The following NRG1 variants were observed in gnomAD, a reference collection of about 807,000 sequenced individuals.
NRG1 encodes the protein neuregulin 1.
NRG1 carries 18 observed loss-of-function variants against 63.8 expected under a neutral mutation model. The ratio of observed to expected loss-of-function variants is 0.28; its 90% CI spans 0.19 to 0.42. The LOEUF (loss-of-function observed/expected upper bound fraction) is 0.42. Ranked by LOEUF, NRG1 falls within the 10% of genes least tolerant of loss-of-function variation. The probability of loss-of-function intolerance (pLI) is 1.00; values close to 1 mark genes in which losing one functional copy is unlikely to be tolerated. For missense variants in NRG1, 762 were observed against 814.7 expected (o/e 0.94, Z 0.79); for synonymous variants, 302 against 301.3 (o/e 1.00, Z -0.02).
intron 1 of NRG1, among the ~76,000 whole-genome samples, chr8:32,515,401 T>G (rs534345483): frequency 6.6e-5 from 10 of 152,250 alleles, no homozygotes; most frequent in African/African-American, 2.4e-4. Flanking sequence ...TGCTTGTATG[T>G]CTTCTTTTGA....
intron 1 of NRG1, among the ~76,000 whole-genome samples, chr8:32,041,088 T>G (rs531457787): frequency 6.6e-6 from 1 of 152,224 alleles, no homozygotes; most frequent in South Asian, 2.1e-4. Flanking sequence ...ATCATTTTAC[T>G]TATGGATAAC....
chr8:31,984,871 C>G (rs906019433), intron 1 of NRG1, among the ~76,000 whole-genome samples: 1 of 152,060 alleles, frequency 6.6e-6, no homozygotes, highest in Non-Finnish European at 1.5e-5. Context: ...ATCTTTGCAG[C>G]TCTTATTGAC....
rs138927893 is a variant in NRG1 at position 31,697,757 on chromosome 8, T to A, written c.37+58326T>A. Among the ~76,000 whole-genome samples, 625 of 152,320 alleles carry A rather than the reference T, an allele frequency of 4.1e-3. 2 individuals are homozygous for A. Among genetic ancestry groups the A allele is most frequent in the South Asian group, 0.026 (127 of 4,826 alleles). On this transcript the variant is annotated intron_variant, in intron 1 of 10. Coordinates refer to the NRG1 transcript ENST00000519301. The stretch of plus-strand genomic sequence containing the variant: ...TCAGAAGGTGAGTATTCACTAACAG[T>A]ACCTAACTCTGTCCCTTCTGTAATT...
intron 1 of NRG1, among the ~76,000 whole-genome samples, chr8:32,524,183 A>G (rs1228115740): frequency 6.6e-6 from 1 of 152,104 alleles, no homozygotes; most frequent in Admixed American, 6.6e-5. Flanking sequence ...GATACTTGAG[A>G]GGCTGAGGTG....
At chr8:32,176,619 A>G (rs373962024) in intron 1 of NRG1, among the ~76,000 whole-genome samples, 2 of 152,252 alleles carry the variant, frequency 1.3e-5, no homozygotes, top group Non-Finnish European at 2.9e-5. Flanking sequence ...GTGAACTCAA[A>G]CAAATTTACA....
chr8:31,904,606 G>A (rs1832369959), intron 1 of NRG1, among the ~76,000 whole-genome samples: 1 of 152,124 alleles, frequency 6.6e-6, no homozygotes, highest in Admixed American at 6.6e-5. Flanking sequence ...GTTCACAATA[G>A]CAAAGACATG....
rs7830563 is a variant in NRG1 at position 32,526,430 on chromosome 8, A to G, written c.38-69398A>G. Reference sequence around the variant, plus strand: ...TTTGTGTGACATAATCACAGAAATGACATCTCATCATGTTTGCCACATTCT... The same window carrying G: ...TTTGTGTGACATAATCACAGAAATGGCATCTCATCATGTTTGCCACATTCT... On this transcript the variant is annotated intron_variant, in intron 1 of 10. Coordinates refer to the NRG1 transcript ENST00000519301. Among the ~76,000 whole-genome samples, 3 of 152,110 alleles carry G rather than the reference A, an allele frequency of 2.0e-5. No homozygotes were observed. In the South Asian group the frequency reaches 6.2e-4, roughly 32 times the overall value.
intron 1 of NRG1, among the ~76,000 whole-genome samples, chr8:32,153,203 G>C (rs1017641055): frequency 3.9e-5 from 6 of 152,132 alleles, no homozygotes; most frequent in Non-Finnish European, 8.8e-5. Flanking sequence ...GGTGGGAGTA[G>C]GATACAGTAC....
chr8:31,907,249 C>G (rs1391311355), intron 1 of NRG1, among the ~76,000 whole-genome samples: 1 of 151,886 alleles, frequency 6.6e-6, no homozygotes, highest in Non-Finnish European at 1.5e-5. Flanking sequence ...AGGATCCAGC[C>G]TTATTTTTCC....
downstream of NRG1, among the ~76,000 whole-genome samples, chr8:32,768,358 A>T (rs1309854406): frequency 6.6e-6 from 1 of 152,220 alleles, no homozygotes; most frequent in Non-Finnish European, 1.5e-5. Context: ...AAGGTAACGA[A>T]AAATGCTCTC....
At chr8:32,242,480 A>AAAAAAG (rs1014842860) in intron 1 of NRG1, among the ~76,000 whole-genome samples, 1 of 152,228 alleles carries the variant, frequency 6.6e-6, no homozygotes, top group Non-Finnish European at 1.5e-5. Context: ...TCTCAAAAAG[A>AAAAAAG]AAAAAGAAAA....
chr8:32,352,412 C>G (rs1805723639), intron 1 of NRG1, among the ~76,000 whole-genome samples: 1 of 151,456 alleles, frequency 6.6e-6, no homozygotes, highest in Non-Finnish European at 1.5e-5. Context: ...TGTCTTCCAG[C>G]TTCAATCTCT....
chr8:31,982,845 A>G (rs1185312370), intron 1 of NRG1, among the ~76,000 whole-genome samples: 1 of 152,104 alleles, frequency 6.6e-6, no homozygotes, highest in Non-Finnish European at 1.5e-5. Flanking sequence ...GCACCTAGTA[A>G]GTAACTGTTA....
chr8:32,189,941 G>GATT (rs1842327000), intron 1 of NRG1, among the ~76,000 whole-genome samples: 1 of 152,090 alleles, frequency 6.6e-6, no homozygotes, highest in African/African-American at 2.4e-5. Flanking sequence ...TTAAATGAAT[G>GATT]ATACATTCTG....
chr8:31,652,868 TTCTC>T (rs1338748326), intron 1 of NRG1, among the ~76,000 whole-genome samples: 1 of 151,752 alleles, frequency 6.6e-6, no homozygotes, highest in Non-Finnish European at 1.5e-5. Context: ...TCTTTTCTCT[TTCTC>T]TCTCTCTGTG....
chr8:32,387,776 A>G (rs1217693835), intron 1 of NRG1, among the ~76,000 whole-genome samples: 1 of 152,194 alleles, frequency 6.6e-6, no homozygotes, highest in African/African-American at 2.4e-5. Context: ...CCCAGCAAAA[A>G]AAAATCCCGG....
At chr8:31,766,057 G>A (rs1185385257) in intron 1 of NRG1, among the ~76,000 whole-genome samples, 1 of 151,794 alleles carries the variant, frequency 6.6e-6, no homozygotes, top group Non-Finnish European at 1.5e-5. Flanking sequence ...TATTTCCCTA[G>A]AGAACACACC....
chr8:32,354,372 AAAC>A (rs1276786482), intron 1 of NRG1, among the ~76,000 whole-genome samples: 2 of 96,358 alleles, frequency 2.1e-5, no homozygotes, highest in African/African-American at 7.2e-5. Flanking sequence ...CCATCTCAAA[AAAC>A]AACAACAACA....
intron 1 of NRG1, among the ~76,000 whole-genome samples, chr8:32,119,838 C>G (rs190160346): frequency 2.0e-5 from 3 of 152,012 alleles, no homozygotes; most frequent in Admixed American, 6.6e-5. Flanking sequence ...AATGTGACCA[C>G]AAAAATAAAC....
Sources: gnomAD v4.1 joint callset for allele counts (sites outside exome capture counted in the v4.1 genomes callset) on GRCh38, gnomAD v4.1.1 for gene constraint, MANE v1.5 for transcripts, NCBI Gene and HGNC (gene_info 2026-07-23, HGNC 2026-07-21) for gene names.